The following SNTG1 variants were observed in gnomAD, a reference collection of about 807,000 sequenced individuals.
SNTG1 encodes gamma-1-syntrophin.
In SNTG1, 39 loss-of-function variants were observed where a neutral mutation model predicts 74.7. The observed-to-expected ratio is 0.52, with a 90% CI of 0.40 to 0.68. The LOEUF is 0.68. Ranked by LOEUF, SNTG1 falls within the 30% of genes least tolerant of loss-of-function variation. The pLI is 0.00. For missense variants in SNTG1, 685 were observed against 609.5 expected (o/e 1.12, Z -1.30); for synonymous variants, 254 against 217.1 (o/e 1.17, Z -1.49).
chr8:50,288,160 G>C (rs1416619241), intron 2 of SNTG1, among the ~76,000 whole-genome samples: 4 of 152,062 alleles, frequency 2.6e-5, no homozygotes, highest in African/African-American at 7.2e-5. Flanking sequence ...CATTGATTGA[G>C]GAAGCAATTG....
In SNTG1 at chr8:50,198,259, G is replaced by A. The variant is rs922300715; in HGVS notation, c.-28+25624G>A. Among the ~76,000 whole-genome samples, 57 of 152,164 alleles carry A rather than the reference G, an allele frequency of 3.7e-4. 1 individual carries two copies. Among genetic ancestry groups the A allele is most frequent in the African/African-American group, 1.3e-3 (52 of 41,442 alleles). On this transcript the variant is annotated intron_variant, in intron 2 of 18. Transcript: ENST00000642720. Reference sequence around the variant, plus strand: ...GAAAGCAGTCTCCCGGGTTGAATCCGCCGGCTCTGAAGGTGGCAGTGGGGA... The same window carrying A: ...GAAAGCAGTCTCCCGGGTTGAATCCACCGGCTCTGAAGGTGGCAGTGGGGA...
intron 1 of SNTG1, among the ~76,000 whole-genome samples, chr8:49,915,215 C>A (rs1335311719): frequency 1.3e-5 from 2 of 152,108 alleles, no homozygotes; most frequent in Admixed American, 6.5e-5. Context: ...ACAGCTGATA[C>A]CTGAACACTC....
chr8:50,101,436 G>T (rs2080120299), intron 1 of SNTG1, among the ~76,000 whole-genome samples: 1 of 151,982 alleles, frequency 6.6e-6, no homozygotes, highest in African/African-American at 2.4e-5. Context: ...AACTTCTTCA[G>T]CATCGTTATT....
At chr8:50,103,280 T>C (rs1234953535) in intron 1 of SNTG1, among the ~76,000 whole-genome samples, 2 of 152,168 alleles carry the variant, frequency 1.3e-5, no homozygotes, top group African/African-American at 4.8e-5. Flanking sequence ...CTTCACGTCC[T>C]TAGTAAGTTG....
At chr8:50,077,667 C>A (rs888105979) in intron 1 of SNTG1, among the ~76,000 whole-genome samples, 12 of 152,176 alleles carry the variant, frequency 7.9e-5, no homozygotes, top group Admixed American at 4.6e-4. Context: ...CATCAACCAT[C>A]ATTAGAACTA....
chr8:50,469,173 T>C (rs534253435), intron 8 of SNTG1, among the ~76,000 whole-genome samples: 5 of 152,210 alleles, frequency 3.3e-5, no homozygotes, highest in African/African-American at 1.2e-4. Flanking sequence ...AGTGGAGAGT[T>C]CCTGGCAAGG....
intron 4 of SNTG1, among the ~76,000 whole-genome samples, chr8:50,420,043 T>C (rs1420029618): frequency 6.6e-6 from 1 of 151,884 alleles, no homozygotes; most frequent in African/African-American, 2.4e-5. Context: ...CATGAAAATG[T>C]GACAGAAGTT....
In SNTG1 at chr8:50,795,098, T is replaced by C. The variant is rs1393797147; in HGVS notation, c.*2269T>C. On this transcript the variant is annotated 3_prime_UTR_variant, in exon 19 of 19. Coordinates refer to ENST00000642720, the MANE Select transcript of SNTG1 (RefSeq NM_018967.5). ...TATAAATATAATGAAATGCTGACCA[T>C]TAATTATATTAGAAGAATGTTTTGT... is the stretch of plus-strand genomic sequence containing the variant. The C allele has an allele frequency of 6.6e-6, 1 of 151,918 alleles. No individual in the cohort carries two copies. The highest frequency in any genetic ancestry group is 1.5e-5 in the Non-Finnish European group (1 of 67,920). 9.4% of individuals were successfully genotyped at this position (151,918 alleles called of 1,614,324 possible).
chr8:50,035,450 T>C (rs1818074974), intron 1 of SNTG1, among the ~76,000 whole-genome samples: 2 of 152,182 alleles, frequency 1.3e-5, no homozygotes, highest in Admixed American at 6.5e-5. Flanking sequence ...AGCCCACATA[T>C]CCTTATTTTC....
chr8:50,719,059 G>T (rs1211369594), intron 17 of SNTG1, among the ~76,000 whole-genome samples: 3 of 152,124 alleles, frequency 2.0e-5, no homozygotes, highest in Admixed American at 2.0e-4. Flanking sequence ...AAATAGAAGA[G>T]TTTATTCCTA....
intron 10 of SNTG1, 95 bp from the exon 11 acceptor site, chr8:50,536,583 G>A (rs1385476322): frequency 2.8e-6 from 4 of 1,438,552 alleles, no homozygotes; most frequent in East Asian, 4.6e-5. Context: ...ATCATTTAGG[G>A]GAAAAATAAT....
chr8:50,050,682 T>C lies in SNTG1; in HGVS notation c.-102-121879T>C, dbSNP rs74431888. On this transcript the variant is annotated intron_variant, in intron 1 of 18. Coordinates refer to ENST00000642720, the MANE Select transcript of SNTG1 (RefSeq NM_018967.5). ...AGAGGAGGGAGCACATAAAAACTCA[T>C]TCTATGAGGACAATATTACCTTGCT... Among the ~76,000 whole-genome samples the C allele has an allele frequency of 4.0e-3, 607 of 152,148 alleles. 2 individuals carry two copies. Among genetic ancestry groups the C allele is most frequent in the Admixed American group, 9.3e-3 (142 of 15,268 alleles).
At chr8:50,030,925 T>C (rs1817693226) in intron 1 of SNTG1, among the ~76,000 whole-genome samples, 1 of 151,962 alleles carries the variant, frequency 6.6e-6, no homozygotes. Flanking sequence ...TACACATTTG[T>C]AGAGAATTGA....
chr8:50,197,878 T>C (rs1005045408), intron 2 of SNTG1, among the ~76,000 whole-genome samples: 1 of 152,162 alleles, frequency 6.6e-6, no homozygotes, highest in Admixed American at 6.6e-5. Flanking sequence ...TATTTTCTTT[T>C]TTTATTTTAA....
intron 12 of SNTG1, among the ~76,000 whole-genome samples, chr8:50,568,250 T>TGTGTGC (rs1563587324): frequency 1.4e-4 from 22 of 152,160 alleles, no homozygotes; most frequent in African/African-American, 4.3e-4. Flanking sequence ...TGTGTGTGTG[T>TGTGTGC]GTGCTATCTA....
intron 3 of SNTG1, among the ~76,000 whole-genome samples, chr8:50,394,585 T>C (rs1419590867): frequency 6.6e-6 from 1 of 152,176 alleles, no homozygotes; most frequent in Non-Finnish European, 1.5e-5. Context: ...GGTAATAAAT[T>C]AGAAGACATC....
intron 2 of SNTG1, among the ~76,000 whole-genome samples, chr8:50,211,069 T>G (rs1271869631): frequency 6.6e-6 from 1 of 152,148 alleles, no homozygotes; most frequent in African/African-American, 2.4e-5. Context: ...TAAGTTGGAA[T>G]ATGGGTGTTA....
chr8:50,704,691 A>G lies in SNTG1; in HGVS notation c.1130A>G (p.Asp377Gly). The G allele has an allele frequency of 6.2e-7, 1 of 1,614,018 alleles. No homozygotes were observed. The highest frequency in any genetic ancestry group is 8.5e-7 in the Non-Finnish European group (1 of 1,179,998). The change falls in exon 16 of 19, where the codon GAC (aspartate) becomes GGC (glycine). Residue 377 changes from aspartate to glycine, a missense_variant. Transcript: ENST00000642720. The part of the protein sequence containing the change: ...DLYFSVELES[D>G]LAQWERAFQT... The stretch of plus-strand genomic sequence containing the variant: ...TACTTCTCAGTGGAGCTGGAAAGTG[A>G]CCTCGCCCAGTGGGAAAGAGCCTTC...
intron 12 of SNTG1, among the ~76,000 whole-genome samples, chr8:50,574,589 A>G (rs944609390): frequency 3.9e-5 from 6 of 152,130 alleles, no homozygotes; most frequent in African/African-American, 1.4e-4. Flanking sequence ...CCAGCTTCCT[A>G]TGTTTATGGT....
Sources: allele counts gnomAD v4.1 joint callset (sites outside exome capture counted in the v4.1 genomes callset), GRCh38; gene constraint gnomAD v4.1.1; transcripts MANE v1.5; gene names NCBI Gene and HGNC (gene_info 2026-07-23, HGNC 2026-07-21).